The following ZDHHC14 variants were observed in gnomAD, a reference collection of about 807,000 sequenced individuals.
The protein encoded by ZDHHC14 is zDHHC palmitoyltransferase 14, also known as palmitoyltransferase ZDHHC14.
Under a neutral mutation model 47.7 loss-of-function variants are expected in ZDHHC14, and 16 were observed. That is an observed-to-expected ratio of 0.34 (90% CI 0.23 to 0.51). ZDHHC14 has a LOEUF of 0.51. Among genes scored for constraint, ZDHHC14 ranks in the 20% least tolerant of loss-of-function variants. ZDHHC14 has a pLI of 0.97. For synonymous variants in ZDHHC14, 293 were observed against 278.9 expected, an observed-to-expected ratio of 1.05 and a Z score of -0.50; for missense variants, 515 against 662.5, an observed-to-expected ratio of 0.78 and a Z score of 2.44.
At chr6:157,592,247 A>AC (rs1448694713) in intron 2 of ZDHHC14, among the ~76,000 whole-genome samples, 3 of 151,482 alleles carry the variant, frequency 2.0e-5, no homozygotes, top group Non-Finnish European at 4.4e-5. Flanking sequence ...AAATTTAAAA[A>AC]CTCCACGTTT....
chr6:157,478,199 G>GTGCTCTC (rs1779537107), intron 1 of ZDHHC14, among the ~76,000 whole-genome samples: 1 of 142,014 alleles, frequency 7.0e-6, no homozygotes, highest in South Asian at 2.2e-4. Flanking sequence ...TAAGTCTTCA[G>GTGCTCTC]TACTCTCTAC....
chr6:157,667,440 A>G (rs777195616), intron 8 of ZDHHC14, among the ~76,000 whole-genome samples: 13 of 152,190 alleles, frequency 8.5e-5, no homozygotes, highest in Non-Finnish European at 1.9e-4. Context: ...AGTAAAAAAG[A>G]GAGAGGTAGA....
At chr6:157,544,662 CAA>C (rs1781902652) in intron 2 of ZDHHC14, among the ~76,000 whole-genome samples, 1 of 97,062 alleles carries the variant, frequency 1.0e-5, no homozygotes, top group Non-Finnish European at 2.0e-5. Context: ...ACAACAACAA[CAA>C]CAACAACAAC....
At chr6:157,512,711 G>A (rs919500203) in intron 1 of ZDHHC14, among the ~76,000 whole-genome samples, 1 of 152,140 alleles carries the variant, frequency 6.6e-6, no homozygotes, top group Admixed American at 6.5e-5. Flanking sequence ...AAAAAAGACA[G>A]GGAGAGAAAT....
intron 1 of ZDHHC14, among the ~76,000 whole-genome samples, chr6:157,522,186 A>G (rs181123800): frequency 5.5e-4 from 83 of 152,242 alleles, no homozygotes; most frequent in Admixed American, 9.8e-4. Context: ...CGAAAATTCA[A>G]TGCAACCTTT....
At chr6:157,449,897 C>A (rs1456147812) in intron 1 of ZDHHC14, among the ~76,000 whole-genome samples, 2 of 152,054 alleles carry the variant, frequency 1.3e-5, no homozygotes, top group African/African-American at 2.4e-5. Context: ...TTGCAGCTTT[C>A]CCCCTTTCTA....
intron 3 of ZDHHC14, among the ~76,000 whole-genome samples, chr6:157,601,784 G>A (rs1041640922): frequency 2.7e-4 from 41 of 152,194 alleles, no homozygotes; most frequent in Non-Finnish European, 5.0e-4. Context: ...CTGTGTGTAT[G>A]TGCATGTGTG....
chr6:157,535,950 G>A (rs1781532286), intron 1 of ZDHHC14, among the ~76,000 whole-genome samples: 1 of 152,094 alleles, frequency 6.6e-6, no homozygotes, highest in Non-Finnish European at 1.5e-5. Flanking sequence ...AAGTACCTTT[G>A]TTTTGCAGTG....
chr6:157,608,257 C>A (rs1784618349), intron 3 of ZDHHC14, among the ~76,000 whole-genome samples: 1 of 152,022 alleles, frequency 6.6e-6, no homozygotes, highest in Non-Finnish European at 1.5e-5. Context: ...TCAGAAATAT[C>A]CACTGACGGC....
intron 2 of ZDHHC14, among the ~76,000 whole-genome samples, chr6:157,554,411 T>A (rs1171213719): frequency 6.6e-6 from 1 of 152,268 alleles, no homozygotes; most frequent in Admixed American, 6.5e-5. Context: ...AGCATATTTT[T>A]AAAAGTAAAT....
At chr6:157,542,281 GC>G (rs1781794615) in intron 1 of ZDHHC14, among the ~76,000 whole-genome samples, 1 of 152,158 alleles carries the variant, frequency 6.6e-6, no homozygotes, top group African/African-American at 2.4e-5. Flanking sequence ...ATTTATACAA[GC>G]TCTGTGCGTC....
intron 1 of ZDHHC14, among the ~76,000 whole-genome samples, chr6:157,496,467 C>T (rs761383049): frequency 1.3e-5 from 2 of 152,154 alleles, no homozygotes; most frequent in Non-Finnish European, 2.9e-5. Context: ...TTATTTGGGA[C>T]ATTGGTTCTT....
intron 2 of ZDHHC14, chr6:157,592,737 G>C (rs1783961236): frequency 8.0e-7 from 1 of 1,245,258 alleles, no homozygotes; most frequent in Non-Finnish European, 1.0e-6. Flanking sequence ...GGCCTGGCTG[G>C]GTGGGGCCAT....
At chr6:157,432,636 G>A (rs1201284350) in intron 1 of ZDHHC14, among the ~76,000 whole-genome samples, 1 of 152,188 alleles carries the variant, frequency 6.6e-6, no homozygotes, top group East Asian at 1.9e-4. Context: ...TTGACTTCCT[G>A]CGTGAGAGAA....
At chr6:157,447,501 G>T (rs1050901575) in intron 1 of ZDHHC14, among the ~76,000 whole-genome samples, 1 of 152,220 alleles carries the variant, frequency 6.6e-6, no homozygotes, top group African/African-American at 2.4e-5. Flanking sequence ...GGAGGGTCGG[G>T]GACTGTATGG....
At chr6:157,385,208 T>C (rs1447958964) in intron 1 of ZDHHC14, among the ~76,000 whole-genome samples, 2 of 152,092 alleles carry the variant, frequency 1.3e-5, no homozygotes, top group Non-Finnish European at 2.9e-5. Flanking sequence ...CCCTTCTCAG[T>C]CTCCTTAGTA....
At position 157,451,839 on chromosome 6, in the gene ZDHHC14, C is replaced by T. The variant is rs1279695694; in HGVS notation, c.245+69573C>T. Among the ~76,000 whole-genome samples the T allele has an allele frequency of 2.6e-5, 4 of 152,294 alleles. No homozygotes were observed. The South Asian group carries it at 6.2e-4, about 24-fold the overall frequency. On this transcript the variant is annotated intron_variant, in intron 1 of 8. Transcript: ENST00000359775. ...CCTCCCAAAGTGCTGGGATTATAGG[C>T]GTGAGCCACTGCGCTCAGCATCTTG... is the stretch of plus-strand genomic sequence containing the variant.
intron 1 of ZDHHC14, among the ~76,000 whole-genome samples, chr6:157,462,354 G>A (rs923770218): frequency 6.6e-6 from 1 of 152,198 alleles, no homozygotes; most frequent in African/African-American, 2.4e-5. Flanking sequence ...TAACTGGAGC[G>A]ATGAGTGCCT....
chr6:157,547,477 C>T (rs1782021398), intron 2 of ZDHHC14, among the ~76,000 whole-genome samples: 1 of 151,752 alleles, frequency 6.6e-6, no homozygotes, highest in Admixed American at 6.6e-5. Flanking sequence ...ACTTCCACAA[C>T]CACAGGAAGT....
Sources: allele counts gnomAD v4.1 joint callset (sites outside exome capture counted in the v4.1 genomes callset), GRCh38; gene constraint gnomAD v4.1.1; transcripts MANE v1.5; gene names NCBI Gene and HGNC (gene_info 2026-07-23, HGNC 2026-07-21).